The following MCF2L variants were observed in gnomAD, a reference collection of about 807,000 sequenced individuals.
MCF2L encodes guanine nucleotide exchange factor DBS.
Under a neutral mutation model 153.4 loss-of-function variants are expected in MCF2L, and 97 were observed. The observed-to-expected ratio is 0.63, with a 90% CI of 0.54 to 0.75. The LOEUF is 0.75. Ranked by LOEUF, MCF2L falls within the 30% of genes least tolerant of loss-of-function variation. The pLI is 0.00. For missense variants in MCF2L, 1,347 were observed against 1,495.2 expected, an observed-to-expected ratio of 0.90 and a Z score of 1.64; for synonymous variants, 659 against 632.2, an observed-to-expected ratio of 1.04 and a Z score of -0.64.
Position 113,074,946 on chromosome 13 carries a change from G to A in MCF2L, c.1117-52G>A. ...CACATCCCGTACAGCAAGGCACTGT[G>A]TGCCTCGAACAGAAAGAGGCCTGAG... On this transcript the variant is annotated intron_variant, in intron 10 of 29. Coordinates refer to ENST00000535094, the MANE Select transcript of MCF2L (RefSeq NM_001112732.3). The surrounding 1 kb of genome is among the most constrained non-coding windows in gnomAD (Gnocchi z 4.2). 4.0e-6 allele frequency: 6 copies of A among 1,507,554 alleles called. No individual in the cohort carries two copies. The highest frequency in any genetic ancestry group is 5.4e-6 in the Non-Finnish European group (6 of 1,109,250). The allele number at this position is 1,507,554 out of a possible 1,614,324, so 93.4% of individuals were successfully genotyped here.
At chr13:113,060,453 C>A in intron 4 of MCF2L, 140 bp from the exon 5 acceptor site, 1 of 913,868 alleles carries the variant, frequency 1.1e-6, no homozygotes, top group Non-Finnish European at 1.7e-6. Context: ...CCATGTTTAT[C>A]TCAGCATAAA....
chr13:113,033,717 G>A (rs1391913937), intron 3 of MCF2L, among the ~76,000 whole-genome samples: 2 of 152,078 alleles, frequency 1.3e-5, no homozygotes, highest in Non-Finnish European at 2.9e-5. Flanking sequence ...TGCTGGCCCC[G>A]GTCGCCCTCC....
At chr13:113,069,958 G>A (rs548840753) in intron 8 of MCF2L, 101 bp from the exon 9 acceptor site, 34 of 717,320 alleles carry the variant, frequency 4.7e-5, no homozygotes, top group South Asian at 2.4e-4. Context: ...AGGAAGGCCC[G>A]GGGTGGAGAT....
In MCF2L at chr13:113,048,685, G is replaced by A. The variant is rs181518186; in HGVS notation, c.369+3324G>A. ...TCTCAATCTCCTGACCTCGTGATCCGCCTGCCTCGGCCTCCCAAAGTGCTG... is the reference window on the plus strand; with the variant it reads ...TCTCAATCTCCTGACCTCGTGATCCACCTGCCTCGGCCTCCCAAAGTGCTG... On this transcript the variant is annotated intron_variant, in intron 4 of 29. Coordinates refer to ENST00000535094, the MANE Select transcript of MCF2L (RefSeq NM_001112732.3). 3.9e-5 allele frequency among the ~76,000 whole-genome samples: 6 copies of A among 152,060 alleles called. No individual in the cohort carries two copies. In the East Asian group the frequency reaches 5.8e-4, roughly 15 times the overall value.
chr13:113,060,684 A>G lies in MCF2L; in HGVS notation c.461A>G (p.Asn154Ser), dbSNP rs375114237. Residue 154 changes from asparagine (N) to serine (S), a missense_variant, in exon 5 of 30, where the codon AAT becomes AGT. Asn to Ser is a conservative substitution (Grantham distance 46). This residue lies in a region of MCF2L where 820 missense variants were observed against 921.2 expected (regional missense o/e 0.89). Transcript: ENST00000535094. ...RTLSDIAFKF[N>S]RDDFKMKVPV... ...CTCTCCGACATCGCTTTCAAATTCAATAGAGATGACTTTAAGATGAAGGTG... is the reference window on the plus strand; with the variant it reads ...CTCTCCGACATCGCTTTCAAATTCAGTAGAGATGACTTTAAGATGAAGGTG... The G allele has an allele frequency of 3.1e-6, 5 of 1,613,432 alleles. No homozygotes were observed. Among genetic ancestry groups the G allele is most frequent in the African/African-American group, 1.3e-5 (1 of 74,918 alleles).
intron 2 of MCF2L, chr13:112,956,788 C>CT (rs779848680): frequency 3.9e-5 from 6 of 152,394 alleles, no homozygotes; most frequent in Non-Finnish European, 8.8e-5. Flanking sequence ...CCTGCTGTGT[C>CT]TACACTCTCA....
rs189038202 is a variant in MCF2L, at chr13:112,898,367, T to C, written c.-4-3832T>C. On this transcript the variant is annotated intron_variant, in intron 1 of 29. Transcript: ENST00000375608. ...GGGGCGTGAGGTGGGCGCGTGTTTG[T>C]TTTGTTCGCTTGGAACCTGTGTGCG... Among the ~76,000 whole-genome samples the C allele has an allele frequency of 5.7e-3, 864 of 152,274 alleles. 7 individuals carry two copies. The highest frequency in any genetic ancestry group is 0.01 in the Non-Finnish European group (701 of 68,020).
chr13:113,085,181 G>T lies in MCF2L; in HGVS notation c.2247+3G>T. The T allele has an allele frequency of 6.2e-7, 1 of 1,612,764 alleles. No individual in the cohort carries two copies. Among genetic ancestry groups the T allele is most frequent in the South Asian group, 1.1e-5 (1 of 91,038 alleles). On this transcript the variant is annotated splice_donor_region_variant and intron_variant, in intron 20 of 29. Coordinates refer to ENST00000535094, the MANE Select transcript of MCF2L (RefSeq NM_001112732.3). ...CCAAGTACCAGCTGCTGCTCAAGGT[G>T]GGCTCCGCGGTGACCGTGGCCCGGC... is the stretch of plus-strand genomic sequence containing the variant.
chr13:112,932,590 TG>T lies in MCF2L; in HGVS notation c.169+30222del, dbSNP rs1421381436. 6.6e-6 allele frequency among the ~76,000 whole-genome samples: 1 copy of T among 152,184 alleles called. No individual in the cohort carries two copies. The highest frequency in any genetic ancestry group is 2.4e-5 in the African/African-American group (1 of 41,442). On this transcript the variant is annotated intron_variant, in intron 2 of 29. Transcript: ENST00000375608. The surrounding 1 kb of genome is among the most constrained non-coding windows in gnomAD (Gnocchi z 4.6). The stretch of plus-strand genomic sequence containing the variant: ...TGGAGGACACTGGGGGAGGGGTGTG[TG>T]GGAGCCCTGTTCTATGTCAGTTTTG...
At chr13:113,076,619 A>G (rs1461744651) in intron 12 of MCF2L, among the ~76,000 whole-genome samples, 1 of 152,252 alleles carries the variant, frequency 6.6e-6, no homozygotes, top group African/African-American at 2.4e-5. Flanking sequence ...CACAGTTGGG[A>G]GGTCAAGCTG....
intron 3 of MCF2L, among the ~76,000 whole-genome samples, chr13:113,041,461 G>T (rs1461104569): frequency 6.6e-6 from 1 of 151,006 alleles, no homozygotes; most frequent in Non-Finnish European, 1.5e-5. Flanking sequence ...ATGTGGCCCT[G>T]CCCCCGTGAC....
At chr13:112,968,678 C>T (rs1448685502), upstream of MCF2L, 3 of 1,486,800 alleles carry the variant, frequency 2.0e-6, no homozygotes, top group East Asian at 2.7e-5. Context: ...CTGCTGCGGC[C>T]TCTGCAGCTT....
chr13:112,924,773 C>A (rs1566641460), intron 2 of MCF2L, among the ~76,000 whole-genome samples: 3 of 152,184 alleles, frequency 2.0e-5, no homozygotes. Flanking sequence ...CAAACATGAA[C>A]ACCTGAGAAA....
At chr13:112,908,881 G>A (rs532133706) in intron 2 of MCF2L, among the ~76,000 whole-genome samples, 20 of 151,922 alleles carry the variant, frequency 1.3e-4, no homozygotes, top group African/African-American at 4.6e-4. Context: ...GCACGCCACC[G>A]CAACTGGCTA....
At chr13:112,939,759 C>T (rs1157632984) in intron 2 of MCF2L, among the ~76,000 whole-genome samples, 1 of 152,054 alleles carries the variant, frequency 6.6e-6, no homozygotes, top group Non-Finnish European at 1.5e-5. Context: ...GGGAAGATCA[C>T]CAGAGGTCAG....
In MCF2L at chr13:112,983,451, G is replaced by A. The variant is rs531415092; in HGVS notation, c.79+13993G>A. On this transcript the variant is annotated intron_variant, in intron 1 of 29. Coordinates refer to ENST00000535094, the MANE Select transcript of MCF2L (RefSeq NM_001112732.3). The surrounding 1 kb of genome is among the most constrained non-coding windows in gnomAD (Gnocchi z 4.0). ...GGTGGCCTTCTCCAGGCATTGCCCT[G>A]CACCTCGAGGGGCAGCGGGGCTTAA... Among the ~76,000 whole-genome samples the A allele has an allele frequency of 5.9e-5, 9 of 152,178 alleles. No homozygotes were observed. Among genetic ancestry groups the A allele is most frequent in the African/African-American group, 1.2e-4 (5 of 41,450 alleles).
intron 2 of MCF2L, 88 bp downstream of exon 2, chr13:113,014,934 G>A: frequency 8.1e-7 from 1 of 1,232,192 alleles, no homozygotes. Context: ...GGCCCAGGCT[G>A]GAGCTGGGAA....
intron 2 of MCF2L, among the ~76,000 whole-genome samples, chr13:112,953,963 G>T (rs983820682): frequency 6.6e-6 from 1 of 152,240 alleles, no homozygotes; most frequent in African/African-American, 2.4e-5. Flanking sequence ...AAGGGTCTCT[G>T]TGTGGCCAAC....
rs541263986 is a variant in MCF2L at position 113,069,996 on chromosome 13, C to T, written c.882-63C>T. 35 of 1,165,954 alleles carry T rather than the reference C, an allele frequency of 3.0e-5. No individual in the cohort carries two copies. In the East Asian group the frequency reaches 5.8e-4, roughly 19 times the overall value. The allele number at this position is 1,165,954 out of a possible 1,614,324, so 72.2% of individuals were successfully genotyped here. ...GCCTTGGGGTCGCTTGAACACCCAC[C>T]GCGCTCCACGTTGCATGGGGCGCCG... On this transcript the variant is annotated intron_variant, in intron 8 of 29. Coordinates refer to ENST00000535094, the MANE Select transcript of MCF2L (RefSeq NM_001112732.3).
Sources: allele counts gnomAD v4.1 joint callset (sites outside exome capture counted in the v4.1 genomes callset), GRCh38; gene constraint gnomAD v4.1.1; regional missense constraint gnomAD v4.1.1; non-coding constraint Gnocchi (gnomAD v3.1); transcripts MANE v1.5; gene names NCBI Gene and HGNC (gene_info 2026-07-23, HGNC 2026-07-21).